Variants in ZFPM2 observed in about 807,000 individuals in gnomAD.
ZFPM2 encodes the protein zinc finger protein, FOG family member 2, also known as zinc finger protein ZFPM2.
A neutral mutation model predicts 98.6 loss-of-function variants in ZFPM2; 20 were observed. That is an observed-to-expected ratio of 0.20 (90% CI 0.14 to 0.29). The LOEUF is 0.29. Ranked by LOEUF, ZFPM2 falls within the 10% of genes least tolerant of loss-of-function variation. The probability of loss-of-function intolerance (pLI) is 1.00; values close to 1 mark genes in which losing one functional copy is unlikely to be tolerated. For missense variants in ZFPM2, 1,310 were observed against 1,388.6 expected (o/e 0.94, Z 0.90); for synonymous variants, 518 against 502.7 (o/e 1.03, Z -0.41).
intron 4 of ZFPM2, among the ~76,000 whole-genome samples, chr8:105,608,131 A>G (rs1347360094): frequency 5.9e-5 from 9 of 152,104 alleles, no homozygotes; most frequent in Non-Finnish European, 8.8e-5. Flanking sequence ...GAGCTAAATA[A>G]TGAGGACTTG....
intron 5 of ZFPM2, among the ~76,000 whole-genome samples, chr8:105,754,066 G>C (rs1812537092): frequency 6.6e-6 from 1 of 152,050 alleles, no homozygotes; most frequent in Non-Finnish European, 1.5e-5. Flanking sequence ...AGCTATCATG[G>C]TAAAGTTAAA....
intron 2 of ZFPM2, among the ~76,000 whole-genome samples, chr8:105,425,571 T>C (rs1269259253): frequency 1.3e-5 from 2 of 152,182 alleles, no homozygotes; most frequent in African/African-American, 4.8e-5. Context: ...AGAACCAGTT[T>C]CATCATCGTA....
chr8:105,784,754 C>G (rs532367960), intron 5 of ZFPM2: 3 of 145,248 alleles, frequency 2.1e-5, no homozygotes, highest in African/African-American at 8.6e-5. Context: ...TAATAAGTGA[C>G]TTGCACCCAG....
intron 5 of ZFPM2, among the ~76,000 whole-genome samples, chr8:105,753,163 A>G (rs1213046344): frequency 2.6e-5 from 4 of 152,150 alleles, no homozygotes; most frequent in Non-Finnish European, 4.4e-5. Flanking sequence ...ATTAGCTGCA[A>G]TTTCCACCAT....
intron 1 of ZFPM2, among the ~76,000 whole-genome samples, chr8:105,336,721 C>CACAG (rs1326833486): frequency 6.0e-5 from 9 of 150,958 alleles, no homozygotes; most frequent in Admixed American, 2.6e-4. Flanking sequence ...CACACACACA[C>CACAG]ACACACACAG....
At chr8:105,652,153 C>T (rs1327598723) in intron 5 of ZFPM2, among the ~76,000 whole-genome samples, 2 of 151,310 alleles carry the variant, frequency 1.3e-5, no homozygotes, top group South Asian at 2.1e-4. Context: ...CTTTTTGGAC[C>T]CACTTTACTG....
At chr8:105,638,069 C>G (rs756273622) in intron 5 of ZFPM2, among the ~76,000 whole-genome samples, 3 of 148,458 alleles carry the variant, frequency 2.0e-5, no homozygotes, top group Non-Finnish European at 4.5e-5. Flanking sequence ...ACTTTGTCCC[C>G]AAACTCTCTC....
At chr8:105,641,685 A>G (rs77698620) in intron 5 of ZFPM2, among the ~76,000 whole-genome samples, 3 of 152,062 alleles carry the variant, frequency 2.0e-5, no homozygotes, top group Non-Finnish European at 4.4e-5. Context: ...ATGTTATTTC[A>G]ATCTGAGTCT....
intron 1 of ZFPM2, among the ~76,000 whole-genome samples, chr8:105,351,359 GTGTGTGTGTGTGTGTGTGTGTGTT>G (rs1486823659): frequency 7.5e-5 from 11 of 145,718 alleles, no homozygotes; most frequent in Admixed American, 2.0e-4. Context: ...TATTTCGTGT[GTGTGTGTGTGTGTGTGTGTGTGTT>G]TGTGTGTGTG....
intron 3 of ZFPM2, among the ~76,000 whole-genome samples, chr8:105,509,069 G>A (rs759967777): frequency 1.3e-5 from 2 of 152,072 alleles, no homozygotes; most frequent in Non-Finnish European, 1.5e-5. Context: ...TACTTTGAAA[G>A]GCCTATATAT....
At chr8:105,382,899 G>A (rs973876587) in intron 1 of ZFPM2, among the ~76,000 whole-genome samples, 6 of 151,946 alleles carry the variant, frequency 3.9e-5, no homozygotes, top group African/African-American at 1.4e-4. Flanking sequence ...GATGACGAGT[G>A]GAACATTAAA....
At chr8:105,794,677 C>G (rs1177368626) in intron 6 of ZFPM2, among the ~76,000 whole-genome samples, 4 of 152,206 alleles carry the variant, frequency 2.6e-5, no homozygotes, top group Non-Finnish European at 5.9e-5. Flanking sequence ...GTGCCCTGCC[C>G]CCAGAGGTGG....
intron 1 of ZFPM2, among the ~76,000 whole-genome samples, chr8:105,339,201 C>T (rs574252863): frequency 6.6e-5 from 10 of 151,862 alleles, no homozygotes; most frequent in East Asian, 1.9e-4. Flanking sequence ...CCCTCACTAC[C>T]GACACCGAAC....
chr8:105,386,835 G>A (rs960190581), intron 1 of ZFPM2, among the ~76,000 whole-genome samples: 1 of 152,120 alleles, frequency 6.6e-6, no homozygotes, highest in African/African-American at 2.4e-5. Context: ...GCTAGAACAA[G>A]GGGAAGGTGG....
chr8:105,797,336 A>G (rs1355232534), intron 6 of ZFPM2: 1 of 152,190 alleles, frequency 6.6e-6, no homozygotes, highest in East Asian at 1.9e-4. Flanking sequence ...AGTATTAGCT[A>G]CAGCTCAAAC....
In ZFPM2 at chr8:105,445,302, T is replaced by C. The variant is rs566316895; in HGVS notation, c.301+921T>C. On this transcript the variant is annotated intron_variant, in intron 3 of 7. Coordinates refer to ENST00000407775, the MANE Select transcript of ZFPM2 (RefSeq NM_012082.4). ...TACAGTATATCTGATTATTATGATG[T>C]CATTTCTAATGTTATTCATCATACA... Among the ~76,000 whole-genome samples the C allele has an allele frequency of 2.5e-3, 378 of 152,326 alleles. 2 individuals are homozygous for C. Among genetic ancestry groups the C allele is most frequent in the African/African-American group, 8.5e-3 (352 of 41,578 alleles).
chr8:105,601,999 T>C (rs1006540533), intron 4 of ZFPM2, among the ~76,000 whole-genome samples: 4 of 152,114 alleles, frequency 2.6e-5, no homozygotes, highest in African/African-American at 4.8e-5. Flanking sequence ...CTCTGATTTC[T>C]CCAAGTTGGC....
chr8:105,394,136 G>A (rs759149866), intron 1 of ZFPM2, among the ~76,000 whole-genome samples: 5 of 151,826 alleles, frequency 3.3e-5, no homozygotes, highest in Non-Finnish European at 7.4e-5. Context: ...CTAGTGATTC[G>A]CCCGCCTCGG....
At chr8:105,723,904 C>G (rs921601592) in intron 5 of ZFPM2, among the ~76,000 whole-genome samples, 7 of 151,646 alleles carry the variant, frequency 4.6e-5, no homozygotes, top group African/African-American at 1.7e-4. Context: ...TATTCTTTCT[C>G]CTCAATGATT....
Sources: allele counts gnomAD v4.1 joint callset (sites outside exome capture counted in the v4.1 genomes callset), GRCh38; gene constraint gnomAD v4.1.1; transcripts MANE v1.5; gene names NCBI Gene and HGNC (gene_info 2026-07-23, HGNC 2026-07-21).